KCNIP4: variants seen among roughly 807,000 people sequenced by gnomAD.
The protein encoded by KCNIP4 is potassium voltage-gated channel interacting protein 4.
KCNIP4 carries 12 observed loss-of-function variants against 34.0 expected under a neutral mutation model. The observed-to-expected ratio is 0.35, with a 90% CI of 0.23 to 0.57. KCNIP4 has a LOEUF of 0.57. Ranked by LOEUF, KCNIP4 falls within the 20% of genes least tolerant of loss-of-function variation. KCNIP4 has a pLI of 0.83. For synonymous variants in KCNIP4, 124 were observed against 102.2 expected (o/e 1.21, Z -1.29); for missense variants, 238 against 311.7 (o/e 0.76, Z 1.78).
At chr4:21,572,205 T>C (rs938959450) in intron 1 of KCNIP4, among the ~76,000 whole-genome samples, 2 of 152,146 alleles carry the variant, frequency 1.3e-5, no homozygotes, top group Non-Finnish European at 2.9e-5. Context: ...ACTTGTCAAA[T>C]AGTCAGGCAA....
At chr4:21,567,304 G>A (rs1400124895) in intron 1 of KCNIP4, among the ~76,000 whole-genome samples, 3 of 151,538 alleles carry the variant, frequency 2.0e-5, no homozygotes, top group African/African-American at 4.9e-5. Context: ...CTTCTCTCAT[G>A]AAGCTAGGGG....
At chr4:21,640,208 G>T (rs764475673) in intron 1 of KCNIP4, among the ~76,000 whole-genome samples, 2 of 152,072 alleles carry the variant, frequency 1.3e-5, no homozygotes, top group Non-Finnish European at 2.9e-5. Context: ...TTTCCATCAT[G>T]GTAACAACAC....
intron 1 of KCNIP4, among the ~76,000 whole-genome samples, chr4:21,352,539 G>A (rs1012153139): frequency 6.6e-6 from 1 of 152,228 alleles, no homozygotes; most frequent in Admixed American, 6.5e-5. Flanking sequence ...GCAGCAGTCT[G>A]GGATTGCCTT....
At position 20,992,486 on chromosome 4, in the gene KCNIP4, A is replaced by G. The variant is rs572977435; in HGVS notation, c.62-109777T>C. ...AGATTTTGGGTGGGAACACAGCCAA[A>G]CCATATCAAGATTATATGGAAAGAA... On this transcript the variant is annotated intron_variant, in intron 1 of 8. Transcript: ENST00000382152. Among the ~76,000 whole-genome samples, 4 of 152,176 alleles carry G rather than the reference A, an allele frequency of 2.6e-5. No homozygotes were observed. The South Asian group carries it at 8.3e-4, about 32-fold the overall frequency.
At chr4:20,965,591 A>T (rs2149667685) in intron 1 of KCNIP4, among the ~76,000 whole-genome samples, 1 of 152,274 alleles carries the variant, frequency 6.6e-6, no homozygotes, top group South Asian at 2.1e-4. Flanking sequence ...GTCTCTCTGG[A>T]GTGTGGAGAA....
At chr4:21,550,832 C>T (rs959166088) in intron 1 of KCNIP4, among the ~76,000 whole-genome samples, 2 of 151,902 alleles carry the variant, frequency 1.3e-5, no homozygotes, top group Admixed American at 6.6e-5. Flanking sequence ...TCAAAAAAAC[C>T]ACAGTTCTCA....
intron 1 of KCNIP4, among the ~76,000 whole-genome samples, chr4:21,348,787 AT>A (rs1717715525): frequency 6.6e-6 from 1 of 152,178 alleles, no homozygotes; most frequent in South Asian, 2.1e-4. Context: ...GACTTTTACC[AT>A]CTGGCCTATG....
intron 5 of KCNIP4, among the ~76,000 whole-genome samples, chr4:20,746,205 G>T (rs967402020): frequency 1.3e-5 from 2 of 152,050 alleles, no homozygotes; most frequent in Admixed American, 1.3e-4. Flanking sequence ...CCATAAAAAA[G>T]GATGAGTTCA....
At chr4:20,852,650 C>A (rs7668860) in intron 2 of KCNIP4, among the ~76,000 whole-genome samples, 53,077 of 151,924 alleles carry the variant, frequency 0.35, 10,313 homozygotes, top group Admixed American at 0.45. Context: ...AGAAAGAAAA[C>A]AAGGGCATCC....
At chr4:20,990,218 A>G (rs1469290182) in intron 1 of KCNIP4, among the ~76,000 whole-genome samples, 2 of 152,162 alleles carry the variant, frequency 1.3e-5, no homozygotes, top group Admixed American at 6.5e-5. Context: ...CATCACCTCC[A>G]CATTAAAGTA....
At chr4:21,258,756 C>A (rs554024625) in intron 1 of KCNIP4, among the ~76,000 whole-genome samples, 1 of 152,070 alleles carries the variant, frequency 6.6e-6, no homozygotes, top group Non-Finnish European at 1.5e-5. Context: ...AAACTTAAAT[C>A]GCTTCCCTAC....
intron 1 of KCNIP4, among the ~76,000 whole-genome samples, chr4:21,612,609 T>C (rs1037130550): frequency 6.6e-6 from 1 of 152,232 alleles, no homozygotes; most frequent in African/African-American, 2.4e-5. Context: ...ATACTCTACA[T>C]TGGCATCTAA....
chr4:21,497,798 T>C (rs941867024), intron 1 of KCNIP4, among the ~76,000 whole-genome samples: 3 of 152,132 alleles, frequency 2.0e-5, no homozygotes, highest in African/African-American at 7.2e-5. Flanking sequence ...TGAAACTTTA[T>C]ATAATTCATA....
chr4:21,910,568 C>A (rs996620847), intron 1 of KCNIP4, among the ~76,000 whole-genome samples: 1 of 152,070 alleles, frequency 6.6e-6, no homozygotes, highest in African/African-American at 2.4e-5. Flanking sequence ...GACTTTAGTT[C>A]TAAAAACAAC....
intron 1 of KCNIP4, among the ~76,000 whole-genome samples, chr4:21,937,395 C>T (rs894813349): frequency 1.1e-4 from 16 of 152,140 alleles, no homozygotes; most frequent in Middle Eastern, 3.4e-3. Flanking sequence ...TACCCTTGTT[C>T]AAACGTTTGT....
intron 1 of KCNIP4, among the ~76,000 whole-genome samples, chr4:21,870,290 A>G (rs1193966395): frequency 6.6e-6 from 1 of 152,032 alleles, no homozygotes; most frequent in African/African-American, 2.4e-5. Flanking sequence ...TTTGTGATGT[A>G]CCTCCCCCAA....
intron 1 of KCNIP4, among the ~76,000 whole-genome samples, chr4:21,175,029 G>T (rs568222772): frequency 6.6e-6 from 1 of 151,838 alleles, no homozygotes; most frequent in African/African-American, 2.4e-5. Context: ...GAGTCCTTAA[G>T]TAACTGGTGA....
intron 1 of KCNIP4, among the ~76,000 whole-genome samples, chr4:21,603,803 A>C (rs1743411583): frequency 6.6e-6 from 1 of 152,226 alleles, no homozygotes; most frequent in Non-Finnish European, 1.5e-5. Context: ...AACAAAATCA[A>C]AACTATAATA....
intron 1 of KCNIP4, among the ~76,000 whole-genome samples, chr4:21,395,796 G>A (rs1180751083): frequency 6.6e-6 from 1 of 151,936 alleles, no homozygotes; most frequent in South Asian, 2.1e-4. Context: ...AATGATGTGG[G>A]GGTAAGGTAA....
Sources: gnomAD v4.1 joint callset for allele counts (sites outside exome capture counted in the v4.1 genomes callset) on GRCh38, gnomAD v4.1.1 for gene constraint, MANE v1.5 for transcripts, NCBI Gene and HGNC (gene_info 2026-07-23, HGNC 2026-07-21) for gene names.